SEMA5A: variants seen among roughly 807,000 people sequenced by gnomAD.
The protein encoded by SEMA5A is semaphorin 5A, also known as semaphorin-5A.
In SEMA5A, 55 loss-of-function variants were observed where a neutral mutation model predicts 135.5. The observed-to-expected ratio is 0.41, with a 90% confidence interval of 0.33 to 0.51. SEMA5A has a LOEUF of 0.51. Among genes scored for constraint, SEMA5A ranks in the 20% least tolerant of loss-of-function variants. The pLI is 0.37. For missense variants in SEMA5A, 1,290 were observed against 1,419.9 expected (o/e 0.91, Z 1.47); for synonymous variants, 580 against 546.5 (o/e 1.06, Z -0.85).
At chr5:9,479,836 T>G (rs908313826) in intron 1 of SEMA5A, among the ~76,000 whole-genome samples, 6 of 152,154 alleles carry the variant, frequency 3.9e-5, no homozygotes, top group African/African-American at 1.4e-4. Context: ...CAGAGGGTGA[T>G]GATAAGAGAA....
intron 8 of SEMA5A, among the ~76,000 whole-genome samples, chr5:9,212,857 G>T (rs183992300): frequency 2.1e-4 from 32 of 152,316 alleles, no homozygotes; most frequent in African/African-American, 7.7e-4. Flanking sequence ...GGAAAACAAA[G>T]AAGTCAACTA....
intron 12 of SEMA5A, among the ~76,000 whole-genome samples, chr5:9,139,851 A>C (rs1741967374): frequency 6.6e-6 from 1 of 152,226 alleles, no homozygotes; most frequent in Admixed American, 6.5e-5. Flanking sequence ...GAAAGATTAA[A>C]GATTATAGAA....
chr5:9,372,037 C>A (rs1230256083), intron 3 of SEMA5A, among the ~76,000 whole-genome samples: 1 of 152,202 alleles, frequency 6.6e-6, no homozygotes, highest in Non-Finnish European at 1.5e-5. Context: ...CATTATCATG[C>A]AATCACACAC....
chr5:9,104,521 A>C (rs1579399816), intron 16 of SEMA5A, among the ~76,000 whole-genome samples: 1 of 152,210 alleles, frequency 6.6e-6, no homozygotes, highest in Non-Finnish European at 1.5e-5. Flanking sequence ...TGACAGTGAC[A>C]ATCATTTCTA....
intron 1 of SEMA5A, among the ~76,000 whole-genome samples, chr5:9,513,040 C>A (rs1401027569): frequency 7.1e-6 from 1 of 140,518 alleles, no homozygotes; most frequent in African/African-American, 2.7e-5. Flanking sequence ...CCTTATTTTG[C>A]TGAAATGAGA....
intron 3 of SEMA5A, among the ~76,000 whole-genome samples, chr5:9,374,050 A>T (rs1340596229): frequency 1.3e-5 from 2 of 152,228 alleles, no homozygotes; most frequent in Non-Finnish European, 2.9e-5. Flanking sequence ...TTATTGGAAT[A>T]GACATTTAAA....
intron 21 of SEMA5A, among the ~76,000 whole-genome samples, chr5:9,045,014 A>C (rs565735109): frequency 6.6e-6 from 1 of 152,128 alleles, no homozygotes; most frequent in East Asian, 1.9e-4. Flanking sequence ...CAAACTCCCA[A>C]CCTCAGATGA....
At chr5:9,282,346 A>T (rs1750585402) in intron 5 of SEMA5A, among the ~76,000 whole-genome samples, 1 of 152,242 alleles carries the variant, frequency 6.6e-6, no homozygotes, top group African/African-American at 2.4e-5. Flanking sequence ...AACTGATTCA[A>T]GCGGTGAGTC....
chr5:9,050,898 A>G (rs1295567490), intron 20 of SEMA5A, among the ~76,000 whole-genome samples: 1 of 152,212 alleles, frequency 6.6e-6, no homozygotes, highest in Non-Finnish European at 1.5e-5. Context: ...GGACATCTCC[A>G]GAACAAGTGA....
chr5:9,162,585 T>TATATATAC (rs370982773), intron 11 of SEMA5A, among the ~76,000 whole-genome samples: 7,272 of 111,322 alleles, frequency 0.065, 329 homozygotes, highest in African/African-American at 0.14. Flanking sequence ...TATATATATA[T>TATATATAC]ACACACACAC....
intron 1 of SEMA5A, among the ~76,000 whole-genome samples, chr5:9,488,416 C>A (rs1734836443): frequency 6.6e-6 from 1 of 152,158 alleles, no homozygotes; most frequent in South Asian, 2.1e-4. Context: ...AATATGCTGC[C>A]TTTCACATGT....
At chr5:9,475,980 A>G (rs541754463) in intron 1 of SEMA5A, among the ~76,000 whole-genome samples, 18 of 152,392 alleles carry the variant, frequency 1.2e-4, no homozygotes, top group African/African-American at 4.3e-4. Context: ...AAACATATCC[A>G]TGCATTAATG....
At chr5:9,136,234 G>C (rs1188424384) in intron 13 of SEMA5A, among the ~76,000 whole-genome samples, 1 of 151,976 alleles carries the variant, frequency 6.6e-6, no homozygotes. Context: ...AAAAATCCAA[G>C]AATAAAACAA....
At chr5:9,102,116 A>C (rs1739663874) in intron 16 of SEMA5A, among the ~76,000 whole-genome samples, 1 of 152,224 alleles carries the variant, frequency 6.6e-6, no homozygotes, top group Admixed American at 6.5e-5. Context: ...GGAAACACCA[A>C]ATATGAATAC....
At chr5:9,070,477 C>T (rs4701834) in intron 16 of SEMA5A, among the ~76,000 whole-genome samples, 118,899 of 152,198 alleles carry the variant, frequency 0.78, 46,666 homozygotes, top group East Asian at 0.95. Context: ...TTAGTAAAAT[C>T]CTACATCTTC....
At chr5:9,417,471 A>G (rs1757320758) in intron 2 of SEMA5A, among the ~76,000 whole-genome samples, 1 of 152,208 alleles carries the variant, frequency 6.6e-6, no homozygotes, top group Non-Finnish European at 1.5e-5. Flanking sequence ...ATCTTTTGAT[A>G]GTGAATAGAC....
rs1485172681 is a variant in SEMA5A, at chr5:9,137,701, G to A, written c.1482-1080C>T. Among the ~76,000 whole-genome samples the A allele has an allele frequency of 2.6e-5, 4 of 152,326 alleles. No homozygotes were observed. In the East Asian group the frequency reaches 7.7e-4, roughly 29 times the overall value. On this transcript the variant is annotated intron_variant, in intron 12 of 22. Coordinates refer to ENST00000382496, the MANE Select transcript of SEMA5A (RefSeq NM_003966.3). Reference sequence around the variant, plus strand: ...CCTGTTACAAACTAGTCAAGGACTAGAAATCTGGTAGGACCAGAAGTCATG... The same window carrying A: ...CCTGTTACAAACTAGTCAAGGACTAAAAATCTGGTAGGACCAGAAGTCATG...
intron 1 of SEMA5A, among the ~76,000 whole-genome samples, chr5:9,465,068 C>T (rs1421526138): frequency 7.3e-6 from 1 of 137,090 alleles, no homozygotes; most frequent in Non-Finnish European, 1.6e-5. Context: ...TCATTTCATT[C>T]TGGATTCTGG....
intron 12 of SEMA5A, among the ~76,000 whole-genome samples, chr5:9,141,702 C>A (rs1579469445): frequency 6.6e-6 from 1 of 152,080 alleles, no homozygotes; most frequent in African/African-American, 2.4e-5. Flanking sequence ...TAAAGTATTT[C>A]TTTACATTTT....
Sources: allele counts gnomAD v4.1 joint callset (sites outside exome capture counted in the v4.1 genomes callset), GRCh38; gene constraint gnomAD v4.1.1; transcripts MANE v1.5; gene names NCBI Gene and HGNC (gene_info 2026-07-23, HGNC 2026-07-21).